Variants in ARL10 observed in about 807,000 individuals in gnomAD.
ARL10 encodes ARF like GTPase 10.
A neutral mutation model predicts 26.1 loss-of-function variants in ARL10; 23 were observed. The ratio of observed to expected loss-of-function variants is 0.88; its 90% CI spans 0.63 to 1.25. The LOEUF is 1.25. Ranked by LOEUF, ARL10 falls within the 50% of genes most tolerant of loss-of-function variation. The pLI is 0.00. For synonymous variants in ARL10, 138 were observed against 149.1 expected, an observed-to-expected ratio of 0.93 and a Z score of 0.54; for missense variants, 300 against 323.6, an observed-to-expected ratio of 0.93 and a Z score of 0.56.
At chr5:176,369,597 C>T (rs926663416) in intron 3 of ARL10, among the ~76,000 whole-genome samples, 2 of 152,112 alleles carry the variant, frequency 1.3e-5, no homozygotes, top group Non-Finnish European at 2.9e-5. Context: ...GTATGGGATG[C>T]TATTCCCATT....
At chr5:176,382,532 C>T (rs951383437), downstream of ARL10, among the ~76,000 whole-genome samples, 1 of 152,208 alleles carries the variant, frequency 6.6e-6, no homozygotes, top group African/African-American at 2.4e-5. Flanking sequence ...TGGTCACTCA[C>T]CTGGCACTGG....
Position 176,375,470 on chromosome 5 carries a change from G to A in ARL10, c.*3575G>A, listed in dbSNP as rs1232904497. Reference sequence around the variant, plus strand: ...GGCACCTCACTGCCGCCAAAAGTGAGTCCGCAGGAACTCCACTGGAATATT... The same window carrying A: ...GGCACCTCACTGCCGCCAAAAGTGAATCCGCAGGAACTCCACTGGAATATT... On this transcript the variant is annotated 3_prime_UTR_variant, in exon 4 of 4. Transcript: ENST00000310389. 1.3e-5 allele frequency: 2 copies of A among 152,140 alleles called. No homozygotes were observed. Among genetic ancestry groups the A allele is most frequent in the African/African-American group, 4.8e-5 (2 of 41,442 alleles). 9.4% of individuals were successfully genotyped at this position (152,140 alleles called of 1,614,324 possible).
At chr5:176,410,055 G>A in the ARL10 span, among the ~76,000 whole-genome samples, 8 of 152,050 alleles carry the variant, frequency 5.3e-5, no homozygotes, top group African/African-American at 1.7e-4. Context: ...CATCAATCTC[G>A]ATCTCTAGTG....
Position 176,371,705 on chromosome 5 carries a change from T to C in ARL10, c.562-17T>C, listed in dbSNP as rs754935387. ...GAAATGCTGCCAGCTGTGTTCGGAC[T>C]TCTGTGTCTCACCCAGGACCTGAGC... On this transcript the variant is annotated splice_polypyrimidine_tract_variant and intron_variant, in intron 3 of 3. Coordinates refer to ENST00000310389, the MANE Select transcript of ARL10 (RefSeq NM_173664.6). 1.3e-5 allele frequency: 21 copies of C among 1,612,388 alleles called. No homozygotes were observed. In the Admixed American group the frequency reaches 1.5e-4, roughly 12 times the overall value.
downstream of ARL10, among the ~76,000 whole-genome samples, chr5:176,391,725 G>A (rs1453331421): frequency 6.6e-6 from 1 of 152,212 alleles, no homozygotes; most frequent in Non-Finnish European, 1.5e-5. Flanking sequence ...GCCAGCTAAG[G>A]GATGCCTGAG....
downstream of ARL10, among the ~76,000 whole-genome samples, chr5:176,385,659 C>T (rs1460048592): frequency 3.5e-4 from 54 of 152,326 alleles, no homozygotes. Flanking sequence ...GAGATGAAGG[C>T]ACATACCTGC....
At chr5:176,392,573 G>A (rs1756299847), downstream of ARL10, 4 of 583,932 alleles carry the variant, frequency 6.9e-6, no homozygotes, top group Non-Finnish European at 9.1e-6. This position sits in a 1 kb window ranked among gnomAD's most constrained non-coding sequence, Gnocchi z 5.2. Flanking sequence ...AGACTGAGAG[G>A]AGGCGTGAGG....
rs1768647449 is a variant in ARL10 at position 176,375,106 on chromosome 5, AT to A, written c.*3212del. The A allele has an allele frequency of 1.4e-5, 2 of 142,378 alleles. No homozygotes were observed. The highest frequency in any genetic ancestry group is 1.6e-5 in the Non-Finnish European group (1 of 64,388). The allele number at this position is 142,378 out of a possible 1,614,324, so 8.8% of individuals were successfully genotyped here. A position where few individuals can be genotyped will look rare whatever the true frequency, so the allele number is the denominator to read the frequency against. On this transcript the variant is annotated 3_prime_UTR_variant, in exon 4 of 4. Coordinates refer to ENST00000310389, the MANE Select transcript of ARL10 (RefSeq NM_173664.6). The stretch of plus-strand genomic sequence containing the variant: ...CATCCATCCATCCATCCATCCATCC[AT>A]CCCTCCATCCGTCCACCCGTCCACC...
At chr5:176,388,731 C>G, downstream of ARL10, 1 of 1,539,312 alleles carries the variant, frequency 6.5e-7, no homozygotes, top group Non-Finnish European at 8.8e-7. Context: ...GTACAAGGCT[C>G]AATTTATTCG....
chr5:176,383,966 A>C (rs1425431926), downstream of ARL10: 2 of 1,521,340 alleles, frequency 1.3e-6, no homozygotes, highest in Non-Finnish European at 1.8e-6. Context: ...TTGCTTTATT[A>C]TGTACACACT....
At chr5:176,410,657 G>A in the ARL10 span, among the ~76,000 whole-genome samples, 2 of 151,984 alleles carry the variant, frequency 1.3e-5, no homozygotes, top group African/African-American at 4.8e-5. Flanking sequence ...GCCATGGCTG[G>A]GAATGGCCAG....
At chr5:176,396,432 C>G (rs1756522475) in intron 1 of ARL10, 1 of 1,499,230 alleles carries the variant, frequency 6.7e-7, no homozygotes, top group Non-Finnish European at 9.3e-7. Context: ...CTGTGGTGGC[C>G]ATTCCCTCTC....
chr5:176,371,533 GTT>G (rs1768542826), intron 3 of ARL10, among the ~76,000 whole-genome samples, 187 bp from the exon 4 acceptor site: 1 of 145,348 alleles, frequency 6.9e-6, no homozygotes, highest in African/African-American at 2.5e-5. Context: ...AGAACAGTGT[GTT>G]TCCTGATATT....
chr5:176,410,375 G>A, the ARL10 span: 2 of 1,344,716 alleles, frequency 1.5e-6, no homozygotes, highest in East Asian at 2.3e-5. Context: ...TCCTACATTA[G>A]CCCCTCAACC....
At chr5:176,366,130 A>C (rs537605149) in intron 1 of ARL10, among the ~76,000 whole-genome samples, 44 of 152,256 alleles carry the variant, frequency 2.9e-4, no homozygotes, top group Admixed American at 2.7e-3. Flanking sequence ...GAGAAACCCC[A>C]TCCCCTCCCG....
At chr5:176,402,813 G>C (rs552658113), downstream of ARL10, among the ~76,000 whole-genome samples, 14 of 152,222 alleles carry the variant, frequency 9.2e-5, no homozygotes, top group African/African-American at 3.4e-4. Context: ...GATAAAGAGA[G>C]TGGGGAAGGG....
chr5:176,406,287 C>T, downstream of ARL10: 1 of 1,054,842 alleles, frequency 9.5e-7, no homozygotes, highest in Non-Finnish European at 1.1e-6. Flanking sequence ...TGGCCAGGAC[C>T]AGAAGGCAGG....
chr5:176,388,303 G>A lies in ARL10; in HGVS notation c.45G>A (p.Pro15=), dbSNP rs1756056570. The change falls in exon 2 of 2, where the codon CCG becomes CCA. Residue 15 remains proline (P), a synonymous_variant. Coordinates refer to the ARL10 transcript ENST00000503175. ...AACCCCATCTCGGCCAGGTTCTGCCGTACCGATTTAGCGTGGTCCCAGGCA... is the reference window on the plus strand; with the variant it reads ...AACCCCATCTCGGCCAGGTTCTGCCATACCGATTTAGCGTGGTCCCAGGCA... 3 of 1,614,184 alleles carry A rather than the reference G, an allele frequency of 1.9e-6. No individual in the cohort carries two copies. Among genetic ancestry groups the A allele is most frequent in the Non-Finnish European group, 2.5e-6 (3 of 1,180,014 alleles).
chr5:176,411,609 C>T, the ARL10 span, among the ~76,000 whole-genome samples: 1 of 152,160 alleles, frequency 6.6e-6, no homozygotes, highest in African/African-American at 2.4e-5. Flanking sequence ...TATCTGTCTT[C>T]CCCCAACAAA....
Sources: allele counts gnomAD v4.1 joint callset (sites outside exome capture counted in the v4.1 genomes callset), GRCh38; gene constraint gnomAD v4.1.1; non-coding constraint Gnocchi (gnomAD v3.1); transcripts MANE v1.5; gene names NCBI Gene and HGNC (gene_info 2026-07-23, HGNC 2026-07-21).